The following FOXP2 variants were observed in gnomAD, a reference collection of about 807,000 sequenced individuals.
The protein encoded by FOXP2 is forkhead box P2.
A neutral mutation model predicts 115.8 loss-of-function variants in FOXP2; 12 were observed. The observed-to-expected ratio is 0.10, with a 90% CI of 0.07 to 0.17. The LOEUF (loss-of-function observed/expected upper bound fraction) is 0.17. Among genes scored for constraint, FOXP2 ranks in the 10% least tolerant of loss-of-function variants. The probability of loss-of-function intolerance (pLI) is 1.00; values close to 1 mark genes in which losing one functional copy is unlikely to be tolerated. For missense variants in FOXP2, 629 were observed against 843.5 expected (o/e 0.75, Z 3.15); for synonymous variants, 328 against 297.7 (o/e 1.10, Z -1.05).
At chr7:114,181,249 C>A (rs1423109576) in intron 1 of FOXP2, among the ~76,000 whole-genome samples, 1 of 147,572 alleles carries the variant, frequency 6.8e-6, no homozygotes. Context: ...AATTGTGTTT[C>A]TTTTAATGGA....
At chr7:114,338,297 TTCA>T (rs1797907700) in intron 2 of FOXP2, among the ~76,000 whole-genome samples, 1 of 150,972 alleles carries the variant, frequency 6.6e-6, no homozygotes, top group Non-Finnish European at 1.5e-5. Context: ...GGCAAATGAC[TTCA>T]TCATTCAATC....
At chr7:114,315,639 C>G (rs1360638889) in intron 2 of FOXP2, among the ~76,000 whole-genome samples, 2 of 150,832 alleles carry the variant, frequency 1.3e-5, no homozygotes, top group African/African-American at 2.4e-5. Flanking sequence ...CACACACAAA[C>G]AAACATAAAT....
At chr7:114,092,314 A>AT (rs879368060) in intron 1 of FOXP2, among the ~76,000 whole-genome samples, 20 of 151,582 alleles carry the variant, frequency 1.3e-4, no homozygotes, top group Admixed American at 3.9e-4. Flanking sequence ...TGTCTTAAAG[A>AT]TTTTTTTTTC....
chr7:114,450,143 A>G (rs1795008399), intron 2 of FOXP2, among the ~76,000 whole-genome samples: 1 of 151,980 alleles, frequency 6.6e-6, no homozygotes, highest in African/African-American at 2.4e-5. Flanking sequence ...TAGCTTTGAA[A>G]CTCAATGCCA....
At chr7:114,101,464 G>A (rs568500086) in intron 1 of FOXP2, among the ~76,000 whole-genome samples, 2 of 152,194 alleles carry the variant, frequency 1.3e-5, no homozygotes, top group South Asian at 4.1e-4. Context: ...GTGCAGCTAA[G>A]ACATTTCTCT....
intron 2 of FOXP2, among the ~76,000 whole-genome samples, chr7:114,313,353 G>A (rs890923478): frequency 6.6e-6 from 1 of 152,128 alleles, no homozygotes; most frequent in African/African-American, 2.4e-5. Context: ...TCTTTCTGGA[G>A]AAGACAGTCT....
chr7:114,546,115 C>G (rs1239594598), intron 3 of FOXP2, among the ~76,000 whole-genome samples: 1 of 152,198 alleles, frequency 6.6e-6, no homozygotes, highest in Admixed American at 6.5e-5. Flanking sequence ...TCAAGCCCCT[C>G]TTTTCTCCTA....
At chr7:114,667,761 G>A (rs1000312007) in intron 16 of FOXP2, 1 of 152,084 alleles carries the variant, frequency 6.6e-6, no homozygotes, top group African/African-American at 2.4e-5. Context: ...ACTTTGACAC[G>A]ATCAGAGCTA....
chr7:114,507,004 A>T (rs1427761922), intron 2 of FOXP2, among the ~76,000 whole-genome samples: 1 of 151,880 alleles, frequency 6.6e-6, no homozygotes, highest in Admixed American at 6.6e-5. Flanking sequence ...TTAAGGATAA[A>T]ATATAAAATG....
chr7:114,280,184 T>C (rs1796295409), intron 1 of FOXP2, among the ~76,000 whole-genome samples: 1 of 151,994 alleles, frequency 6.6e-6, no homozygotes, highest in Non-Finnish European at 1.5e-5. Flanking sequence ...TTTTGAGCCC[T>C]CAACTGAGCA....
At chr7:114,680,932 C>T (rs1167427883) in intron 16 of FOXP2, among the ~76,000 whole-genome samples, 2 of 152,106 alleles carry the variant, frequency 1.3e-5, no homozygotes, top group Non-Finnish European at 2.9e-5. Flanking sequence ...TCCATCTGAA[C>T]TTGCTCTTAC....
At chr7:114,574,364 C>A (rs1346483679) in intron 3 of FOXP2, among the ~76,000 whole-genome samples, 2 of 151,690 alleles carry the variant, frequency 1.3e-5, no homozygotes, top group East Asian at 3.8e-4. Flanking sequence ...TTAGAGAATA[C>A]TTTTCAATGC....
At chr7:114,086,696 A>G (rs1029413324), upstream of FOXP2, 4 of 253,780 alleles carry the variant, frequency 1.6e-5, no homozygotes, top group African/African-American at 7.1e-5. Context: ...CCGAGCTGCG[A>G]CTTTACTCTG....
rs979062349 is a variant in FOXP2 at position 114,345,458 on chromosome 7, G to A, written c.-11+57349G>A. ...TTAAACTAAAACTTCTTTCAAGGTA[G>A]TGGTTAACAGTTGTTTTCAAAGCAA... On this transcript the variant is annotated intron_variant, in intron 2 of 17. Coordinates refer to the FOXP2 transcript ENST00000634411. Among the ~76,000 whole-genome samples, 3 of 151,886 alleles carry A rather than the reference G, an allele frequency of 2.0e-5. No individual in the cohort carries two copies. In the East Asian group the frequency reaches 5.8e-4, roughly 29 times the overall value.
At chr7:114,656,776 T>C (rs1806614889) in intron 10 of FOXP2, among the ~76,000 whole-genome samples, 1 of 152,160 alleles carries the variant, frequency 6.6e-6, no homozygotes, top group Admixed American at 6.6e-5. Context: ...AGCTGGCATA[T>C]GTTAATTTTT....
At chr7:114,414,007 T>C (rs969690551), upstream of FOXP2, among the ~76,000 whole-genome samples, 3 of 152,124 alleles carry the variant, frequency 2.0e-5, no homozygotes, top group African/African-American at 7.2e-5. Context: ...TAAGACAGTG[T>C]CGTTCCTGTC....
intron 2 of FOXP2, among the ~76,000 whole-genome samples, chr7:114,404,570 G>A (rs1792985976): frequency 6.6e-6 from 1 of 152,006 alleles, no homozygotes; most frequent in South Asian, 2.1e-4. Context: ...TTGCCTCAGT[G>A]AAGAAAAGGA....
chr7:114,274,450 T>C (rs1796134628), intron 1 of FOXP2, among the ~76,000 whole-genome samples: 1 of 152,132 alleles, frequency 6.6e-6, no homozygotes. Flanking sequence ...ATTATTGTCC[T>C]TCTAGCTAAA....
intron 16 of FOXP2, among the ~76,000 whole-genome samples, chr7:114,674,744 A>C (rs1206182168): frequency 6.6e-6 from 1 of 152,140 alleles, no homozygotes; most frequent in Non-Finnish European, 1.5e-5. Flanking sequence ...TAAATAAGAG[A>C]GCTAAATACT....
Sources: allele counts gnomAD v4.1 joint callset (sites outside exome capture counted in the v4.1 genomes callset), GRCh38; gene constraint gnomAD v4.1.1; transcripts MANE v1.5; gene names NCBI Gene and HGNC (gene_info 2026-07-23, HGNC 2026-07-21).